Variants in LCOR observed in about 807,000 individuals in gnomAD.
LCOR encodes the protein ligand-dependent corepressor.
A neutral mutation model predicts 64.4 loss-of-function variants in LCOR; 14 were observed. The observed-to-expected ratio is 0.22, with a 90% confidence interval of 0.14 to 0.34. LCOR has a LOEUF of 0.34. Among genes scored for constraint, LCOR ranks in the 10% least tolerant of loss-of-function variants. The pLI, the probability that LCOR is intolerant of heterozygous loss-of-function variation, is 1.00. For synonymous variants in LCOR, 643 were observed against 642.5 expected, an observed-to-expected ratio of 1.00 and a Z score of -0.01; for missense variants, 1,686 against 1,765.3, an observed-to-expected ratio of 0.96 and a Z score of 0.80.
intron 5 of LCOR, among the ~76,000 whole-genome samples, chr10:96,944,480 A>G (rs1177440449): frequency 2.0e-5 from 3 of 152,100 alleles, no homozygotes; most frequent in Non-Finnish European, 1.5e-5. Context: ...TTAGAAAATT[A>G]TTAGGAAATT....
At chr10:96,897,553 T>G (rs1277439389) in intron 2 of LCOR, among the ~76,000 whole-genome samples, 2 of 152,236 alleles carry the variant, frequency 1.3e-5, no homozygotes, top group Non-Finnish European at 2.9e-5. Flanking sequence ...TCTGTGATTT[T>G]GGTAACTTAT....
chr10:96,869,735 C>T (rs1846039416), intron 2 of LCOR, among the ~76,000 whole-genome samples: 1 of 151,926 alleles, frequency 6.6e-6, no homozygotes, highest in Non-Finnish European at 1.5e-5. Context: ...CCACCACGTT[C>T]AGCTATTTTT....
chr10:96,979,051 T>C (rs1466086935), intron 7 of LCOR, among the ~76,000 whole-genome samples: 4 of 152,206 alleles, frequency 2.6e-5, no homozygotes, highest in African/African-American at 9.6e-5. Context: ...CAGCCTATGC[T>C]CTTTTCCACT....
chr10:96,838,244 A>T (rs776945115), intron 2 of LCOR, among the ~76,000 whole-genome samples: 22 of 152,174 alleles, frequency 1.4e-4, no homozygotes, highest in Non-Finnish European at 3.1e-4. Flanking sequence ...TATTTCAAAT[A>T]CAAGGTTGTA....
intron 2 of LCOR, among the ~76,000 whole-genome samples, chr10:96,878,021 TAAG>T (rs1846199545): frequency 6.6e-6 from 1 of 152,146 alleles, no homozygotes; most frequent in African/African-American, 2.4e-5. Context: ...ATAATTTAGT[TAAG>T]AAGAATGAGA....
chr10:96,982,161 A>C lies in LCOR; in HGVS notation c.1701A>C (p.Glu567Asp). ...VQLPREDNPE[E>D]PSKEITSHEE... The stretch of plus-strand genomic sequence containing the variant: ...TTCCCAGAGAAGACAACCCTGAAGA[A>C]CCTAGCAAGGAAATCACCTCTCACG... The change falls in exon 8 of 8, where the codon GAA becomes GAC. Residue 567 changes from glutamate (E) to aspartate (D), a missense_variant. By Grantham distance (45) the Glu-to-Asp change is conservative. Coordinates refer to ENST00000421806, the MANE Select transcript of LCOR (RefSeq NM_001346516.2). 1 of 1,614,152 alleles carries C rather than the reference A, an allele frequency of 6.2e-7. No homozygotes were observed. Among genetic ancestry groups the C allele is most frequent in the Middle Eastern group, 1.6e-4 (1 of 6,062 alleles).
At position 96,987,700 on chromosome 10, in the gene LCOR, G is replaced by A. The variant is rs1196285680; in HGVS notation, c.*2566G>A. 4 of 151,974 alleles carry A rather than the reference G, an allele frequency of 2.6e-5. No homozygotes were observed. Among genetic ancestry groups the A allele is most frequent in the South Asian group, 4.1e-4 (2 of 4,822 alleles). The allele number at this position is 151,974 out of a possible 1,614,324, so 9.4% of individuals were successfully genotyped here. A position where few individuals can be genotyped will look rare whatever the true frequency, so the allele number is the denominator to read the frequency against. ...TTTATATTTGTTGAATCTCATTTTT[G>A]CTGATTCAGTTAATTTTGTTAATAG... On this transcript the variant is annotated 3_prime_UTR_variant, in exon 8 of 8. Coordinates refer to ENST00000421806, the MANE Select transcript of LCOR (RefSeq NM_001346516.2).
chr10:96,966,967 C>A (rs1459398536), intron 7 of LCOR, among the ~76,000 whole-genome samples: 1 of 152,154 alleles, frequency 6.6e-6, no homozygotes, highest in Non-Finnish European at 1.5e-5. Context: ...AACTCCTGAG[C>A]ACAAGTGATT....
intron 4 of LCOR, among the ~76,000 whole-genome samples, chr10:96,916,618 A>ATATATATATATATATAT (rs1846954500): frequency 7.7e-6 from 1 of 130,190 alleles, no homozygotes; most frequent in African/African-American, 3.4e-5. Context: ...TATATATATG[A>ATATATATATATATATAT]TTATTTATTT....
In LCOR at chr10:96,957,892, T is replaced by C. The variant is rs1435383821; in HGVS notation, c.332+5696T>C. 4.1e-6 allele frequency: 4 copies of C among 986,278 alleles called. No individual in the cohort carries two copies. In the African/African-American group the frequency reaches 7.0e-5, roughly 17 times the overall value. 61.1% of individuals were successfully genotyped at this position (986,278 alleles called of 1,614,324 possible). On this transcript the variant is annotated intron_variant, in intron 7 of 7. Coordinates refer to ENST00000421806, the MANE Select transcript of LCOR (RefSeq NM_001346516.2). ...GTTTCCTCTTAGCTTTCTAGACTTC[T>C]TAACAGAAAAAACAGTTTGGGTTCA...
Position 96,985,299 on chromosome 10 carries a change from A to G in LCOR, c.*165A>G. On this transcript the variant is annotated 3_prime_UTR_variant, in exon 8 of 8. Transcript: ENST00000421806. ...AAATGCATCTCAGATGGAGAAGGGA[A>G]CTTGCAGAGTCCTTCTCTGAGGCTA... 1 of 802,748 alleles carries G rather than the reference A, an allele frequency of 1.2e-6. No homozygotes were observed. Among genetic ancestry groups the G allele is most frequent in the Non-Finnish European group, 1.8e-6 (1 of 546,908 alleles). 49.7% of individuals were successfully genotyped at this position (802,748 alleles called of 1,614,324 possible).
At chr10:96,972,262 A>G (rs1447869464) in intron 7 of LCOR, among the ~76,000 whole-genome samples, 4 of 152,150 alleles carry the variant, frequency 2.6e-5, no homozygotes, top group African/African-American at 9.7e-5. Context: ...AAAATCTCAC[A>G]TCTCTCACTG....
intron 4 of LCOR, among the ~76,000 whole-genome samples, chr10:96,918,110 G>A (rs1404943801): frequency 6.6e-6 from 1 of 152,164 alleles, no homozygotes; most frequent in Admixed American, 6.5e-5. Flanking sequence ...TTTCTAAGGA[G>A]TAAAGCACAA....
At chr10:96,855,936 GT>G (rs1466437548) in intron 2 of LCOR, among the ~76,000 whole-genome samples, 1 of 149,132 alleles carries the variant, frequency 6.7e-6, no homozygotes, top group African/African-American at 2.5e-5. Context: ...TAGTTACAGA[GT>G]TTCTCCATGT....
In LCOR at chr10:96,989,485, A is replaced by G. The variant is rs1041049297; in HGVS notation, c.*4351A>G. 1 of 151,962 alleles carries G rather than the reference A, an allele frequency of 6.6e-6. No individual in the cohort carries two copies. Among genetic ancestry groups the G allele is most frequent in the Admixed American group, 6.6e-5 (1 of 15,244 alleles). 9.4% of individuals were successfully genotyped at this position (151,962 alleles called of 1,614,324 possible). A position where few individuals can be genotyped will look rare whatever the true frequency, so the allele number is the denominator to read the frequency against. On this transcript the variant is annotated 3_prime_UTR_variant, in exon 8 of 8. Coordinates refer to ENST00000421806, the MANE Select transcript of LCOR (RefSeq NM_001346516.2). ...ATCCCAAAGCTTTGTTTATTCTTAT[A>G]TAATATTTTGGTACTGATACCTTTT...
chr10:96,877,335 G>A (rs1293028154), intron 2 of LCOR, among the ~76,000 whole-genome samples: 22 of 152,010 alleles, frequency 1.4e-4, no homozygotes. Flanking sequence ...ACCAGACTGG[G>A]CAACATGGTG....
intron 2 of LCOR, among the ~76,000 whole-genome samples, chr10:96,888,363 CAAAAAAAAAAAAAAAAAA>C (rs61076542): frequency 5.6e-4 from 17 of 30,544 alleles, no homozygotes; most frequent in Admixed American, 2.3e-3. Context: ...GACTCCGTCT[CAAAAAAAAAAAAAAAAAA>C]AAAAAAAAAA....
chr10:96,957,967 A>G (rs557649683), intron 7 of LCOR: 22 of 988,086 alleles, frequency 2.2e-5, no homozygotes, highest in East Asian at 1.1e-4. Flanking sequence ...GGAAGTTGCA[A>G]TAAAAATTCC....
intron 4 of LCOR, among the ~76,000 whole-genome samples, chr10:96,934,705 G>C (rs1224768674): frequency 6.6e-6 from 1 of 151,946 alleles, no homozygotes; most frequent in Non-Finnish European, 1.5e-5. Context: ...GGGTTCAGGA[G>C]ATTCTCGTGC....
Sources: gnomAD v4.1 joint callset for allele counts (sites outside exome capture counted in the v4.1 genomes callset) on GRCh38, gnomAD v4.1.1 for gene constraint, MANE v1.5 for transcripts, NCBI Gene and HGNC (gene_info 2026-07-23, HGNC 2026-07-21) for gene names.